ZBTB38: variants seen among roughly 807,000 people sequenced by gnomAD.
ZBTB38 encodes zinc finger and BTB domain-containing protein 38.
Under a neutral mutation model 76.8 loss-of-function variants are expected in ZBTB38, and 20 were observed. The observed-to-expected ratio is 0.26, with a 90% confidence interval of 0.18 to 0.38. The LOEUF (loss-of-function observed/expected upper bound fraction) is 0.38. Among genes scored for constraint, ZBTB38 ranks in the 10% least tolerant of loss-of-function variants. The pLI, the probability that ZBTB38 is intolerant of heterozygous loss-of-function variation, is 1.00. For synonymous variants in ZBTB38, 504 were observed against 544.2 expected (o/e 0.93, Z 1.03); for missense variants, 1,082 against 1,482.3 (o/e 0.73, Z 4.43).
chr3:141,420,384 G>A (rs764984829), intron 5 of ZBTB38, among the ~76,000 whole-genome samples: 8 of 152,196 alleles, frequency 5.3e-5, no homozygotes, highest in Non-Finnish European at 1.0e-4. Flanking sequence ...CAGTTCCAGG[G>A]AGCTTGATAT....
At chr3:141,367,870 A>G (rs1393346440), upstream of ZBTB38, 2 of 152,194 alleles carry the variant, frequency 1.3e-5, no homozygotes, top group Non-Finnish European at 2.9e-5. Context: ...TTCATCATAT[A>G]ATTACCAAGC....
upstream of ZBTB38, chr3:141,366,737 T>C (rs1441048867): frequency 1.3e-5 from 2 of 152,152 alleles, no homozygotes; most frequent in South Asian, 2.1e-4. Context: ...AGGAAAGCTG[T>C]GGGTGTGTTA....
intron 5 of ZBTB38, among the ~76,000 whole-genome samples, chr3:141,426,856 A>C (rs193157956): frequency 6.6e-6 from 1 of 152,292 alleles, no homozygotes; most frequent in African/African-American, 2.4e-5. Flanking sequence ...TCAGTGTTCC[A>C]GAGCTGTGGT....
intron 5 of ZBTB38, among the ~76,000 whole-genome samples, chr3:141,411,483 T>A (rs1314110910): frequency 6.6e-6 from 1 of 152,246 alleles, no homozygotes; most frequent in Non-Finnish European, 1.5e-5. Context: ...TGCCTGTGGC[T>A]GAACCATGCC....
rs2081033787 is a variant in ZBTB38, at chr3:141,445,834, T to C, written c.3446T>C (p.Phe1149Ser). 1 of 1,614,040 alleles carries C rather than the reference T, an allele frequency of 6.2e-7. No individual in the cohort carries two copies. The highest frequency in any genetic ancestry group is 8.5e-7 in the Non-Finnish European group (1 of 1,180,030). The change falls in exon 6 of 6, where the codon TTC becomes TCC. Residue 1149 changes from phenylalanine to serine, a missense_variant. Phe to Ser is a radical substitution (Grantham distance 155). Transcript: ENST00000321464. The surrounding 1 kb of genome is among the most constrained non-coding windows in gnomAD (Gnocchi z 6.5). ...ALGMHQKKHL[F>S]KSPSQQEKIG... ...GGAATGCACCAAAAGAAACACTTATTCAAAAGCCCAAGTCAGCAGGAGAAA... is the reference window on the plus strand; with the variant it reads ...GGAATGCACCAAAAGAAACACTTATCCAAAAGCCCAAGTCAGCAGGAGAAA...
intron 5 of ZBTB38, among the ~76,000 whole-genome samples, chr3:141,420,686 A>T (rs2075154498): frequency 6.6e-6 from 1 of 152,200 alleles, no homozygotes; most frequent in Admixed American, 6.5e-5. Flanking sequence ...TTTTTGGGGA[A>T]GAAGAATGAT....
intron 5 of ZBTB38, among the ~76,000 whole-genome samples, chr3:141,415,670 G>A (rs953017652): frequency 1.3e-5 from 2 of 152,230 alleles, no homozygotes; most frequent in African/African-American, 4.8e-5. Flanking sequence ...CTAACTAGGA[G>A]GTGCATTGGA....
At position 141,427,042 on chromosome 3, in the gene ZBTB38, C is replaced by T. The variant is rs144770531; in HGVS notation, c.1-15347C>T. 2.8e-3 allele frequency among the ~76,000 whole-genome samples: 421 copies of T among 151,888 alleles called. 5 individuals are homozygous for T. The highest frequency in any genetic ancestry group is 9.7e-3 in the African/African-American group (403 of 41,402). ...TTTTTTTTTTATGACCACCCATTAG[C>T]ATAGGTGGGAAATAGCAGGGCAGTT... On this transcript the variant is annotated intron_variant, in intron 5 of 5. Transcript: ENST00000321464.
At chr3:141,401,590 C>G (rs1951959044) in intron 4 of ZBTB38, among the ~76,000 whole-genome samples, 1 of 149,044 alleles carries the variant, frequency 6.7e-6, no homozygotes, top group African/African-American at 2.4e-5. Flanking sequence ...ACTTTTTAAT[C>G]CTTTTAAGCT....
At chr3:141,422,860 T>G (rs960187770) in intron 5 of ZBTB38, among the ~76,000 whole-genome samples, 1 of 152,212 alleles carries the variant, frequency 6.6e-6, no homozygotes, top group African/African-American at 2.4e-5. Context: ...TATCTATTCT[T>G]TCAAAGTATT....
chr3:141,353,717 A>G (rs142167103), intron 1 of ZBTB38, among the ~76,000 whole-genome samples: 60 of 152,270 alleles, frequency 3.9e-4, no homozygotes, highest in African/African-American at 1.4e-3. Flanking sequence ...TGAATGAATG[A>G]GTGAATGAAT....
At chr3:141,375,927 C>A (rs4683605) in intron 2 of ZBTB38, among the ~76,000 whole-genome samples, 81,086 of 152,028 alleles carry the variant, frequency 0.53, 24,091 homozygotes, top group African/African-American at 0.82. Context: ...GCCTGAGAGG[C>A]GGCAGGCCAG....
intron 1 of ZBTB38, among the ~76,000 whole-genome samples, chr3:141,334,216 G>A (rs1415694859): frequency 2.7e-5 from 1 of 37,358 alleles, no homozygotes; most frequent in Non-Finnish European, 5.2e-5. Flanking sequence ...CCCTTCTCAG[G>A]TATTTAAAAG....
intron 5 of ZBTB38, among the ~76,000 whole-genome samples, chr3:141,417,088 T>C (rs1350358635): frequency 6.6e-6 from 1 of 152,176 alleles, no homozygotes; most frequent in East Asian, 1.9e-4. Context: ...CCTTACCAGA[T>C]TCAGTCAGTC....
At chr3:141,337,083 C>G (rs1461334021) in intron 1 of ZBTB38, among the ~76,000 whole-genome samples, 1 of 152,216 alleles carries the variant, frequency 6.6e-6, no homozygotes, top group Non-Finnish European at 1.5e-5. Flanking sequence ...CTAGTCACTC[C>G]CCGCTTCTCT....
intron 1 of ZBTB38, among the ~76,000 whole-genome samples, chr3:141,326,102 C>T (rs73232970): frequency 0.049 from 7,480 of 152,180 alleles, 269 homozygotes; most frequent in Middle Eastern, 0.13. Flanking sequence ...CTTTGGAAAA[C>T]ATGTCAATAC....
At chr3:141,400,402 T>C (rs1197331309) in intron 4 of ZBTB38, among the ~76,000 whole-genome samples, 1 of 152,198 alleles carries the variant, frequency 6.6e-6, no homozygotes. Context: ...TTGCTAAGCC[T>C]CTTAGGAAAC....
intron 4 of ZBTB38, chr3:141,387,902 G>C (rs1947580572): frequency 6.6e-6 from 1 of 152,116 alleles, no homozygotes; most frequent in South Asian, 2.1e-4. Context: ...GTTGAAATTT[G>C]CATGTTTTTA....
intron 5 of ZBTB38, among the ~76,000 whole-genome samples, chr3:141,406,255 G>T (rs532160113): frequency 6.6e-6 from 1 of 152,186 alleles, no homozygotes; most frequent in Non-Finnish European, 1.5e-5. Context: ...GAGTAGCTTG[G>T]GGGGAGATCG....
Sources: allele counts gnomAD v4.1 joint callset (sites outside exome capture counted in the v4.1 genomes callset), GRCh38; gene constraint gnomAD v4.1.1; non-coding constraint Gnocchi (gnomAD v3.1); transcripts MANE v1.5; gene names NCBI Gene and HGNC (gene_info 2026-07-23, HGNC 2026-07-21).